The following PXDNL variants were observed in gnomAD, a reference collection of about 807,000 sequenced individuals.
PXDNL encodes the protein peroxidasin like.
A neutral mutation model predicts 150.8 loss-of-function variants in PXDNL; 145 were observed. That is an observed-to-expected ratio of 0.96 (90% confidence interval 0.84 to 1.10). The LOEUF is 1.10. Ranked by LOEUF, PXDNL falls within the 50% of genes least tolerant of loss-of-function variation. The pLI is 0.00. For synonymous variants in PXDNL, 757 were observed against 725.7 expected, an observed-to-expected ratio of 1.04 and a Z score of -0.69; for missense variants, 2,087 against 1,873.9, an observed-to-expected ratio of 1.11 and a Z score of -2.10.
intron 3 of PXDNL, among the ~76,000 whole-genome samples, chr8:51,575,137 G>A (rs1400627413): frequency 2.0e-5 from 3 of 151,960 alleles, no homozygotes; most frequent in Non-Finnish European, 4.4e-5. Context: ...GGAGGGTAAA[G>A]GGACTTAAGA....
At chr8:51,519,268 G>A (rs958525207) in intron 4 of PXDNL, among the ~76,000 whole-genome samples, 72 of 152,118 alleles carry the variant, frequency 4.7e-4, no homozygotes, top group African/African-American at 1.5e-3. Context: ...AAGGCCGGGT[G>A]CGGTGGCTCA....
intron 12 of PXDNL, among the ~76,000 whole-genome samples, chr8:51,428,780 T>A (rs1809176550): frequency 6.6e-6 from 1 of 152,228 alleles, no homozygotes; most frequent in Non-Finnish European, 1.5e-5. Flanking sequence ...TCTTTGATAT[T>A]TAAGCCAAAA....
chr8:51,646,041 A>T (rs932505068), intron 2 of PXDNL, among the ~76,000 whole-genome samples: 1 of 148,908 alleles, frequency 6.7e-6, no homozygotes, highest in Non-Finnish European at 1.5e-5. Flanking sequence ...CAAGGAAAGG[A>T]CTGTGTTATG....
At chr8:51,768,870 C>A (rs10090429) in intron 1 of PXDNL, among the ~76,000 whole-genome samples, 77,165 of 152,074 alleles carry the variant, frequency 0.51, 23,848 homozygotes, top group Non-Finnish European at 0.68. Flanking sequence ...CCAAGGTGGG[C>A]GGATCACGAG....
intron 1 of PXDNL, among the ~76,000 whole-genome samples, chr8:51,730,545 A>G (rs545651998): frequency 3.3e-5 from 5 of 152,338 alleles, no homozygotes; most frequent in African/African-American, 1.2e-4. Flanking sequence ...AGAGATGATT[A>G]AGATGAAATC....
rs564134603 is a variant in PXDNL at position 51,416,811 on chromosome 8, A to G, written c.1796-3553T>C. 6.6e-5 allele frequency among the ~76,000 whole-genome samples: 10 copies of G among 152,366 alleles called. No homozygotes were observed. In the South Asian group the frequency reaches 2.1e-3, roughly 32 times the overall value. Reference sequence around the variant, plus strand: ...GAAATATTTAAGCTCTAAACTACACAAATAGAAAACACATAAAGTTGTTCA... The same window carrying G: ...GAAATATTTAAGCTCTAAACTACACGAATAGAAAACACATAAAGTTGTTCA... On this transcript the variant is annotated intron_variant, in intron 14 of 22. Coordinates refer to ENST00000356297, the MANE Select transcript of PXDNL (RefSeq NM_144651.5).
intron 1 of PXDNL, among the ~76,000 whole-genome samples, chr8:51,697,610 T>A (rs969680042): frequency 6.6e-6 from 1 of 152,084 alleles, no homozygotes; most frequent in Non-Finnish European, 1.5e-5. Flanking sequence ...CACACACATA[T>A]TAAGCAAAGA....
At chr8:51,800,555 A>T (rs1420031748) in intron 1 of PXDNL, among the ~76,000 whole-genome samples, 2 of 152,206 alleles carry the variant, frequency 1.3e-5, no homozygotes, top group Non-Finnish European at 2.9e-5. Context: ...TGGCAGGAAG[A>T]ACTGTTGTGG....
intron 20 of PXDNL, 44 bp from the exon 21 acceptor site, chr8:51,339,797 C>A (rs373123808): frequency 6.4e-7 from 1 of 1,567,298 alleles, no homozygotes; most frequent in Non-Finnish European, 8.7e-7. Context: ...AAATAAAAGT[C>A]GTGTGAGAAT....
At chr8:51,456,432 A>G (rs544247082) in intron 9 of PXDNL, among the ~76,000 whole-genome samples, 205 of 152,200 alleles carry the variant, frequency 1.3e-3, no homozygotes, top group African/African-American at 4.7e-3. Context: ...AATGAATGCA[A>G]TCCTCCGAGG....
rs550046007 is a variant in PXDNL, at chr8:51,409,357, G to C, written c.2267C>G (p.Ala756Gly). The change falls in exon 17 of 23, where the codon GCC (alanine) becomes GGC (glycine). Residue 756 changes from alanine (A) to glycine (G), a missense_variant. Coordinates refer to ENST00000356297, the MANE Select transcript of PXDNL (RefSeq NM_144651.5). The part of the protein sequence containing the change: ...LTAFARLLQP[A>G]YRDGIRAPRG... Reference sequence around the variant, plus strand: ...GGGCGCGCGGATGCCGTCCCGGTAGGCTGGCTGCAGCAGGCGCGCGAAGGC... The same window carrying C: ...GGGCGCGCGGATGCCGTCCCGGTAGCCTGGCTGCAGCAGGCGCGCGAAGGC... 17 of 1,551,638 alleles carry C rather than the reference G, an allele frequency of 1.1e-5. No individual in the cohort carries two copies. The Admixed American group carries it at 3.4e-4, about 31-fold the overall frequency.
intron 21 of PXDNL, among the ~76,000 whole-genome samples, chr8:51,323,932 A>T (rs1805405589): frequency 7.4e-6 from 1 of 135,236 alleles, no homozygotes; most frequent in South Asian, 2.2e-4. Context: ...AAATAAAATA[A>T]AATAAAATAA....
chr8:51,523,808 T>C (rs1025575271), intron 4 of PXDNL, among the ~76,000 whole-genome samples: 2 of 152,146 alleles, frequency 1.3e-5, no homozygotes, highest in Non-Finnish European at 2.9e-5. Context: ...GACAGAAGAA[T>C]ATTAATTGAT....
At chr8:51,410,823 A>T (rs942571459) in intron 16 of PXDNL, among the ~76,000 whole-genome samples, 5 of 152,198 alleles carry the variant, frequency 3.3e-5, no homozygotes, top group Non-Finnish European at 7.3e-5. Flanking sequence ...ACAAAAATCA[A>T]AAGAACTGGG....
At chr8:51,716,682 A>G (rs1816622217) in intron 1 of PXDNL, among the ~76,000 whole-genome samples, 1 of 152,216 alleles carries the variant, frequency 6.6e-6, no homozygotes, top group Admixed American at 6.5e-5. Context: ...TCAGAAAGTA[A>G]ATAATAATAT....
intron 2 of PXDNL, among the ~76,000 whole-genome samples, chr8:51,641,709 G>A (rs1342375946): frequency 5.9e-5 from 9 of 151,672 alleles, no homozygotes; most frequent in Non-Finnish European, 1.3e-4. Context: ...GGAAACAACA[G>A]GTGCTGGAGA....
Position 51,371,854 on chromosome 8 carries a change from T to G in PXDNL, c.3901+19A>C. 1.3e-6 allele frequency: 2 copies of G among 1,597,370 alleles called. No individual in the cohort carries two copies. Among genetic ancestry groups the G allele is most frequent in the Non-Finnish European group, 1.7e-6 (2 of 1,165,720 alleles). On this transcript the variant is annotated intron_variant, in intron 19 of 22. Transcript: ENST00000356297. ...ACATGCACATCAATCCAGATCGTGC[T>G]CATTGCATTATTACTGACCTGCACA...
At chr8:51,744,119 A>AAAGAAAGAAAGAAAGAAAGAAAGGAAGG (rs763172161) in intron 1 of PXDNL, among the ~76,000 whole-genome samples, 5 of 36,056 alleles carry the variant, frequency 1.4e-4, no homozygotes, top group Middle Eastern at 0.016. Flanking sequence ...AGAAAGAAAG[A>AAAGAAAGAAAGAAAGAAAGAAAGGAAGG]AAGGAAGAAA....
chr8:51,496,167 C>T (rs959625825), intron 5 of PXDNL, among the ~76,000 whole-genome samples: 1 of 152,146 alleles, frequency 6.6e-6, no homozygotes, highest in African/African-American at 2.4e-5. Flanking sequence ...TAAACAGAAC[C>T]AATGACAAAA....
Sources: gnomAD v4.1 joint callset for allele counts (sites outside exome capture counted in the v4.1 genomes callset) on GRCh38, gnomAD v4.1.1 for gene constraint, MANE v1.5 for transcripts, NCBI Gene and HGNC (gene_info 2026-07-23, HGNC 2026-07-21) for gene names.